The following ANKH variants were observed in gnomAD, a reference collection of about 807,000 sequenced individuals.
ANKH encodes the protein mineralization regulator ANKH.
In ANKH, 15 loss-of-function variants were observed where a neutral mutation model predicts 49.0. The ratio of observed to expected loss-of-function variants is 0.31; its 90% confidence interval spans 0.20 to 0.47. ANKH has a LOEUF of 0.47. Among genes scored for constraint, ANKH ranks in the 20% least tolerant of loss-of-function variants. The pLI, the probability that ANKH is intolerant of heterozygous loss-of-function variation, is 1.00. For missense variants in ANKH, 429 were observed against 652.0 expected (o/e 0.66, Z 3.72); for synonymous variants, 273 against 260.0 (o/e 1.05, Z -0.48).
intron 1 of ANKH, chr5:14,869,314 C>T (rs1735749925): frequency 6.6e-6 from 1 of 152,210 alleles, no homozygotes; most frequent in Admixed American, 6.5e-5. Context: ...TTTGCAAAAA[C>T]AATTATCATC....
chr5:14,784,705 G>T (rs1739918696), intron 1 of ANKH, among the ~76,000 whole-genome samples: 2 of 152,116 alleles, frequency 1.3e-5, no homozygotes, highest in South Asian at 4.1e-4. Context: ...CTGGAAGTCT[G>T]GGTAAAGAAA....
At chr5:14,818,397 T>C (rs1741100038) in intron 1 of ANKH, among the ~76,000 whole-genome samples, 1 of 151,860 alleles carries the variant, frequency 6.6e-6, no homozygotes, top group Admixed American at 6.6e-5. Flanking sequence ...CCCAACACTT[T>C]GGGGGGCTGA....
intron 1 of ANKH, among the ~76,000 whole-genome samples, chr5:14,807,825 C>G (rs1378884858): frequency 6.6e-6 from 1 of 152,182 alleles, no homozygotes; most frequent in African/African-American, 2.4e-5. Flanking sequence ...TTGCCCTTTG[C>G]AGCAGATGTT....
At chr5:14,847,260 G>A (rs1485045080) in intron 1 of ANKH, among the ~76,000 whole-genome samples, 2 of 152,170 alleles carry the variant, frequency 1.3e-5, no homozygotes, top group Non-Finnish European at 2.9e-5. Flanking sequence ...TATGTAGCCA[G>A]TAAAAACACA....
intron 8 of ANKH, among the ~76,000 whole-genome samples, chr5:14,735,851 G>A (rs1198218660): frequency 6.6e-6 from 1 of 152,010 alleles, no homozygotes; most frequent in East Asian, 1.9e-4. Flanking sequence ...AGGTACTGGG[G>A]GTTAGGACTT....
chr5:14,725,275 G>A lies in ANKH; in HGVS notation c.1012-8440C>T, dbSNP rs1217633275. Among the ~76,000 whole-genome samples the A allele has an allele frequency of 6.6e-6, 1 of 152,232 alleles. No individual in the cohort carries two copies. Among genetic ancestry groups the A allele is most frequent in the Non-Finnish European group, 1.5e-5 (1 of 68,042 alleles). On this transcript the variant is annotated intron_variant, in intron 8 of 11. Transcript: ENST00000284268. The surrounding 1 kb of genome is among the most constrained non-coding windows in gnomAD (Gnocchi z 4.0). ...AAACGGGGATGGTGTCTCCCTCACA[G>A]GGATGCTGTGTGGACTGGGCTGCCC...
chr5:14,726,182 C>T (rs1390297625), intron 8 of ANKH, among the ~76,000 whole-genome samples: 2 of 152,144 alleles, frequency 1.3e-5, no homozygotes, highest in Non-Finnish European at 2.9e-5. Context: ...GGGGCCAGCA[C>T]AGGGCAGGAC....
At chr5:14,771,337 C>A (rs1739422977) in intron 1 of ANKH, among the ~76,000 whole-genome samples, 1 of 152,156 alleles carries the variant, frequency 6.6e-6, no homozygotes, top group African/African-American at 2.4e-5. Flanking sequence ...TGAGAATGAC[C>A]CTGCATGGTA....
chr5:14,860,799 CGCCCAGGCTGGAGTGCTGCGAT>C (rs1561088716), intron 1 of ANKH, among the ~76,000 whole-genome samples: 1 of 151,936 alleles, frequency 6.6e-6, no homozygotes, highest in East Asian at 1.9e-4. Context: ...CTTGCTGTGA[CGCCCAGGCTGGAGTGCTGCGAT>C]GCCCAGGCTG....
At chr5:14,790,555 T>C (rs550534714) in intron 1 of ANKH, among the ~76,000 whole-genome samples, 5 of 152,250 alleles carry the variant, frequency 3.3e-5, no homozygotes, top group Non-Finnish European at 5.9e-5. Flanking sequence ...GGTTCTTTTC[T>C]TTTTCTTTCT....
In ANKH at chr5:14,825,391, G is replaced by A. The variant is rs146527630; in HGVS notation, c.96+45961C>T. On this transcript the variant is annotated intron_variant, in intron 1 of 11. Transcript: ENST00000284268. ...TTTTGAGACAGGATCTCCCTCTGTT[G>A]CCCAGGCTGGAGTGCAATGGCACAA... is the stretch of plus-strand genomic sequence containing the variant. Among the ~76,000 whole-genome samples, 87 of 152,160 alleles carry A rather than the reference G, an allele frequency of 5.7e-4. 1 individual carries two copies. In the East Asian group the frequency reaches 0.012, roughly 21 times the overall value.
chr5:14,808,150 T>C (rs934533837), intron 1 of ANKH, among the ~76,000 whole-genome samples: 1 of 152,298 alleles, frequency 6.6e-6, no homozygotes, highest in East Asian at 1.9e-4. Context: ...CAGAAAAGTA[T>C]ACAAAGGAAG....
chr5:14,805,376 A>G (rs1347820500), intron 1 of ANKH, among the ~76,000 whole-genome samples: 4 of 117,778 alleles, frequency 3.4e-5, no homozygotes, highest in African/African-American at 1.3e-4. Flanking sequence ...CCCTATATAT[A>G]TGTGTGTATG....
At chr5:14,815,138 A>G (rs1385235679) in intron 1 of ANKH, among the ~76,000 whole-genome samples, 1 of 152,200 alleles carries the variant, frequency 6.6e-6, no homozygotes, top group African/African-American at 2.4e-5. Context: ...GTGGCTTTCT[A>G]GAAAAGTAAG....
rs745669233 is a variant in ANKH at position 14,769,132 on chromosome 5, G to A, written c.156C>T (p.Tyr52=). The change falls in exon 2 of 12, where the codon TAC becomes TAT. Residue 52 remains tyrosine (Y), a synonymous_variant. Coordinates refer to ENST00000284268, the MANE Select transcript of ANKH (RefSeq NM_054027.6). ...ACTTCATGAGGGAGTACGCCAGCCCGTAGCTGGCCAGCATCTCGACTGCAT... is the reference window on the plus strand; with the variant it reads ...ACTTCATGAGGGAGTACGCCAGCCCATAGCTGGCCAGCATCTCGACTGCAT... The part of the protein sequence containing the change: ...KEDAVEMLAS[Y]GLAYSLMKFF... The A allele has an allele frequency of 3.3e-5, 54 of 1,614,120 alleles. No homozygotes were observed. The highest frequency in any genetic ancestry group is 4.3e-5 in the Non-Finnish European group (51 of 1,180,022).
chr5:14,799,212 G>A (rs1429389758), intron 1 of ANKH, among the ~76,000 whole-genome samples: 1 of 152,192 alleles, frequency 6.6e-6, no homozygotes, highest in Non-Finnish European at 1.5e-5. Context: ...GAGAGGTAAG[G>A]AAGTTGCAGA....
intron 1 of ANKH, among the ~76,000 whole-genome samples, chr5:14,781,568 C>T (rs1025846373): frequency 6.6e-6 from 1 of 152,142 alleles, no homozygotes; most frequent in African/African-American, 2.4e-5. Flanking sequence ...TCCTGTATGA[C>T]CTCTTAATAT....
intron 1 of ANKH, among the ~76,000 whole-genome samples, chr5:14,841,886 T>C (rs1561079627): frequency 6.6e-6 from 1 of 152,186 alleles, no homozygotes; most frequent in Non-Finnish European, 1.5e-5. Context: ...TGAAGGGTGG[T>C]CTATATTGTG....
chr5:14,743,645 T>C (rs1329941284), intron 7 of ANKH, among the ~76,000 whole-genome samples: 1 of 152,244 alleles, frequency 6.6e-6, no homozygotes, highest in Admixed American at 6.5e-5. Flanking sequence ...CAACTGTCAA[T>C]GCAGCAAATT....
Sources: allele counts gnomAD v4.1 joint callset (sites outside exome capture counted in the v4.1 genomes callset), GRCh38; gene constraint gnomAD v4.1.1; non-coding constraint Gnocchi (gnomAD v3.1); transcripts MANE v1.5; gene names NCBI Gene and HGNC (gene_info 2026-07-23, HGNC 2026-07-21).